The following PCGF6 variants were observed in gnomAD, a reference collection of about 807,000 sequenced individuals.
The protein encoded by PCGF6 is polycomb group RING finger protein 6.
A neutral mutation model predicts 45.5 loss-of-function variants in PCGF6; 24 were observed. The observed-to-expected ratio is 0.53, with a 90% confidence interval of 0.38 to 0.74. The LOEUF (loss-of-function observed/expected upper bound fraction) is 0.74, where lower values mean the gene tolerates loss of function less well. Among genes scored for constraint, PCGF6 ranks in the 30% least tolerant of loss-of-function variants. PCGF6 has a pLI of 0.00. For synonymous variants in PCGF6, 152 were observed against 162.1 expected (o/e 0.94, Z 0.47); for missense variants, 356 against 443.2 (o/e 0.80, Z 1.77).
chr10:103,319,905 A>G (rs1184125506), intron 8 of PCGF6, among the ~76,000 whole-genome samples: 6 of 152,126 alleles, frequency 3.9e-5, no homozygotes, highest in African/African-American at 1.4e-4. Context: ...TCCTGGATTC[A>G]TGTGATTCTC....
intron 6 of PCGF6, among the ~76,000 whole-genome samples, chr10:103,342,643 T>A (rs1055063300): frequency 6.6e-6 from 1 of 152,178 alleles, no homozygotes; most frequent in African/African-American, 2.4e-5. Flanking sequence ...GAGCACAAGG[T>A]ACATGGGCTT....
intron 1 of PCGF6, 51 bp from the exon 2 acceptor site, chr10:103,349,050 A>ATT: frequency 6.7e-7 from 1 of 1,484,320 alleles, no homozygotes; most frequent in Non-Finnish European, 9.3e-7. Context: ...CCTTTTACAA[A>ATT]TTCTTTTTTT....
intron 6 of PCGF6, 69 bp from the exon 7 acceptor site, chr10:103,334,021 T>C (rs1312598126): frequency 1.9e-6 from 2 of 1,046,954 alleles, no homozygotes; most frequent in South Asian, 2.0e-5. Context: ...TAAAACAACA[T>C]ATATAAATAT....
rs2093126762 is a variant in PCGF6, at chr10:103,303,537, T to C, written c.*368A>G. 2 of 172,590 alleles carry C rather than the reference T, an allele frequency of 1.2e-5. No individual in the cohort carries two copies. The highest frequency in any genetic ancestry group is 1.2e-5 in the Non-Finnish European group (1 of 81,046). The allele number at this position is 172,590 out of a possible 1,614,324, so 10.7% of individuals were successfully genotyped here. A position where few individuals can be genotyped will look rare whatever the true frequency, so the allele number is the denominator to read the frequency against. On this transcript the variant is annotated 3_prime_UTR_variant, in exon 10 of 10. Transcript: ENST00000369847. ...TCCAAAAAGATGACTGCCCAACTGA[T>C]GCCATCCCAGAGAGCAGATATCCCA...
At position 103,314,954 on chromosome 10, in the gene PCGF6, TAAAAAAAAAAAA is replaced by T. The variant is rs60182387; in HGVS notation, c.910-694_910-683del. Among the ~76,000 whole-genome samples, 38 of 57,186 alleles carry T rather than the reference TAAAAAAAAAAAA, an allele frequency of 6.6e-4. 1 individual carries two copies. Among genetic ancestry groups the T allele is most frequent in the Admixed American group, 6.5e-3 (24 of 3,686 alleles). 37.5% of individuals were successfully genotyped at this position (57,186 alleles called of 152,430 possible). ...TGGGCCACAGAGCGAGACTCTGTCA[TAAAAAAAAAAAA>T]AAAAAAAAAAAAAAAATCATTAAAA... On this transcript the variant is annotated intron_variant, in intron 8 of 9. Transcript: ENST00000369847.
chr10:103,318,479 G>A (rs535772210), intron 8 of PCGF6, among the ~76,000 whole-genome samples: 12 of 150,322 alleles, frequency 8.0e-5, no homozygotes, highest in Admixed American at 2.0e-4. Flanking sequence ...GTGCGGTGGC[G>A]CACACCTGTA....
At chr10:103,313,339 C>T (rs1036544752) in intron 9 of PCGF6, among the ~76,000 whole-genome samples, 5 of 152,074 alleles carry the variant, frequency 3.3e-5, no homozygotes, top group East Asian at 1.9e-4. Flanking sequence ...CCAAGGTGGG[C>T]GGATCACTTG....
intron 6 of PCGF6, among the ~76,000 whole-genome samples, chr10:103,339,347 G>A (rs778142496): frequency 4.6e-5 from 7 of 152,222 alleles, no homozygotes; most frequent in African/African-American, 9.6e-5. Context: ...CTGAGATCGC[G>A]CCACTGCAGT....
chr10:103,306,611 C>A (rs1235787723), intron 9 of PCGF6, among the ~76,000 whole-genome samples: 2 of 152,202 alleles, frequency 1.3e-5, no homozygotes, highest in Non-Finnish European at 2.9e-5. Flanking sequence ...CCTCACTCCT[C>A]AACTCACTGC....
In PCGF6 at chr10:103,303,734, T is replaced by C; in HGVS notation, c.*171A>G. ...TATACAGTCTCTAGTAACAGATGCA[T>C]TCCATCGTTCCAAGTTGTACTTATA... On this transcript the variant is annotated 3_prime_UTR_variant, in exon 10 of 10. Coordinates refer to ENST00000369847, the MANE Select transcript of PCGF6 (RefSeq NM_001011663.2). 2 of 517,408 alleles carry C rather than the reference T, an allele frequency of 3.9e-6. No individual in the cohort carries two copies. Among genetic ancestry groups the C allele is most frequent in the Admixed American group, 6.8e-5 (2 of 29,386 alleles). 32.1% of individuals were successfully genotyped at this position (517,408 alleles called of 1,614,324 possible). A position where few individuals can be genotyped will look rare whatever the true frequency, so the allele number is the denominator to read the frequency against.
chr10:103,305,401 G>T (rs1366273419), intron 9 of PCGF6, among the ~76,000 whole-genome samples: 1 of 151,974 alleles, frequency 6.6e-6, no homozygotes, highest in Non-Finnish European at 1.5e-5. Flanking sequence ...CTCTTGACCA[G>T]CTGGAACGAC....
chr10:103,336,349 C>A (rs1451156461), intron 6 of PCGF6, among the ~76,000 whole-genome samples: 1 of 150,834 alleles, frequency 6.6e-6, no homozygotes, highest in East Asian at 1.9e-4. Flanking sequence ...GAAATTATAT[C>A]AATATATAAA....
At chr10:103,309,226 T>C (rs1194521693) in intron 9 of PCGF6, among the ~76,000 whole-genome samples, 1 of 151,724 alleles carries the variant, frequency 6.6e-6, no homozygotes, top group Non-Finnish European at 1.5e-5. Flanking sequence ...GGTGGAATGA[T>C]ATGGTTTGGA....
intron 1 of PCGF6, among the ~76,000 whole-genome samples, chr10:103,349,926 C>CA (rs1280831165): frequency 6.6e-6 from 1 of 151,454 alleles, no homozygotes; most frequent in Non-Finnish European, 1.5e-5. Context: ...ACTAAAAATA[C>CA]AAAAAATAAG....
At chr10:103,321,665 T>C (rs1037443778) in intron 8 of PCGF6, among the ~76,000 whole-genome samples, 3 of 151,842 alleles carry the variant, frequency 2.0e-5, no homozygotes, top group Non-Finnish European at 4.4e-5. Context: ...TGAGCCGAGA[T>C]CGCGCCACTG....
intron 9 of PCGF6, among the ~76,000 whole-genome samples, chr10:103,308,103 G>A (rs1175806012): frequency 6.6e-6 from 1 of 152,062 alleles, no homozygotes; most frequent in Non-Finnish European, 1.5e-5. Flanking sequence ...CCTCTACTAG[G>A]GCAGTGCGGA....
rs370398748 is a variant in PCGF6, at chr10:103,344,190, GC to G, written c.782+833del. Among the ~76,000 whole-genome samples, 81 of 151,480 alleles carry G rather than the reference GC, an allele frequency of 5.3e-4. 1 individual carries two copies. The highest frequency in any genetic ancestry group is 4.3e-3 in the East Asian group (22 of 5,172). On this transcript the variant is annotated intron_variant, in intron 6 of 9. Coordinates refer to ENST00000369847, the MANE Select transcript of PCGF6 (RefSeq NM_001011663.2). ...TGAAAAGTATACCATTTCAAGTTTG[GC>G]AAAAACAATGCTACATATTGCTTAG...
rs1255472369 is a variant in PCGF6 at position 103,303,078 on chromosome 10, GACTT to G, written c.*823_*826del. 9.2e-5 allele frequency: 14 copies of G among 152,672 alleles called. No individual in the cohort carries two copies. Among genetic ancestry groups the G allele is most frequent in the South Asian group, 2.1e-4 (1 of 4,826 alleles). The allele number at this position is 152,672 out of a possible 1,614,324, so 9.5% of individuals were successfully genotyped here. ...TAATGAGAAAAATAAACATTAAACT[GACTT>G]ACTAAGAAAACAATGAATAAGTAAT... On this transcript the variant is annotated 3_prime_UTR_variant, in exon 10 of 10. Transcript: ENST00000369847.
chr10:103,339,635 C>G (rs757803177), intron 6 of PCGF6, among the ~76,000 whole-genome samples: 3 of 146,786 alleles, frequency 2.0e-5, no homozygotes, highest in African/African-American at 2.5e-5. Context: ...CTAAAAAATA[C>G]AAAAATTAGC....
Sources: gnomAD v4.1 joint callset for allele counts (sites outside exome capture counted in the v4.1 genomes callset) on GRCh38, gnomAD v4.1.1 for gene constraint, MANE v1.5 for transcripts, NCBI Gene and HGNC (gene_info 2026-07-23, HGNC 2026-07-21) for gene names.